OSBPL1A: variants seen among roughly 807,000 people sequenced by gnomAD.
OSBPL1A encodes oxysterol binding protein like 1A.
Under a neutral mutation model 137.1 loss-of-function variants are expected in OSBPL1A, and 80 were observed. The observed-to-expected ratio is 0.58, with a 90% CI of 0.49 to 0.70. OSBPL1A has a LOEUF of 0.70. Among genes scored for constraint, OSBPL1A ranks in the 30% least tolerant of loss-of-function variants. OSBPL1A has a pLI of 0.00. For missense variants in OSBPL1A, 970 were observed against 1,129.4 expected, an observed-to-expected ratio of 0.86 and a Z score of 2.02; for synonymous variants, 365 against 389.7, an observed-to-expected ratio of 0.94 and a Z score of 0.75.
chr18:24,281,593 G>A (rs528121332), intron 14 of OSBPL1A, among the ~76,000 whole-genome samples: 4 of 145,808 alleles, frequency 2.7e-5, no homozygotes, highest in South Asian at 2.2e-4. Flanking sequence ...GTTTCACAAC[G>A]TTGGCCAGGC....
At chr18:24,233,823 T>C (rs2088358563) in intron 16 of OSBPL1A, among the ~76,000 whole-genome samples, 1 of 152,282 alleles carries the variant, frequency 6.6e-6, no homozygotes, top group African/African-American at 2.4e-5. Flanking sequence ...TAAAGTCTTT[T>C]GTATTTTTAG....
At chr18:24,320,807 C>T (rs1255611043) in intron 7 of OSBPL1A, among the ~76,000 whole-genome samples, 1 of 151,980 alleles carries the variant, frequency 6.6e-6, no homozygotes, top group East Asian at 1.9e-4. Context: ...GTGGGCAGAT[C>T]ACCTTAGGTC....
intron 4 of OSBPL1A, among the ~76,000 whole-genome samples, chr18:24,361,739 G>A (rs763855268): frequency 4.6e-5 from 7 of 152,138 alleles, no homozygotes. Context: ...CAGACTGGGT[G>A]CAGTGGCTCC....
chr18:24,220,214 C>A (rs566511290), intron 17 of OSBPL1A, among the ~76,000 whole-genome samples: 1 of 152,350 alleles, frequency 6.6e-6, no homozygotes, highest in Admixed American at 6.5e-5. Context: ...CACAGTGGTG[C>A]CCTCGTCTGA....
At chr18:24,238,313 TACA>T (rs1357341729) in intron 16 of OSBPL1A, among the ~76,000 whole-genome samples, 2 of 151,860 alleles carry the variant, frequency 1.3e-5, no homozygotes, top group Non-Finnish European at 2.9e-5. Flanking sequence ...TTTTCTCCCA[TACA>T]ACAATTAATT....
chr18:24,316,098 C>CA (rs1205365353), intron 11 of OSBPL1A, among the ~76,000 whole-genome samples: 2 of 150,712 alleles, frequency 1.3e-5, no homozygotes, highest in Non-Finnish European at 2.9e-5. Flanking sequence ...CCGTCTTTAC[C>CA]AAAAAACACA....
At chr18:24,317,003 G>C (rs2090748624) in intron 11 of OSBPL1A, 146 bp downstream of exon 11, 1 of 707,170 alleles carries the variant, frequency 1.4e-6, no homozygotes, top group Admixed American at 3.3e-5. Context: ...GACTTTACTT[G>C]TTATCAAATT....
intron 14 of OSBPL1A, among the ~76,000 whole-genome samples, chr18:24,299,081 A>G (rs1272616432): frequency 2.0e-5 from 3 of 152,166 alleles, no homozygotes; most frequent in African/African-American, 7.2e-5. Context: ...TGCATGGAAT[A>G]TCTTTTTCCA....
At chr18:24,355,423 C>T (rs1482808202) in intron 4 of OSBPL1A, among the ~76,000 whole-genome samples, 6 of 151,556 alleles carry the variant, frequency 4.0e-5, no homozygotes, top group South Asian at 4.2e-4. Flanking sequence ...ATCATTTGAA[C>T]CCGGGAGGCG....
chr18:24,386,927 G>A (rs929046276), intron 1 of OSBPL1A, among the ~76,000 whole-genome samples: 10 of 151,930 alleles, frequency 6.6e-5, no homozygotes, highest in South Asian at 4.2e-4. Context: ...ATTGCACTCC[G>A]GCCTGTGTGA....
intron 1 of OSBPL1A, among the ~76,000 whole-genome samples, chr18:24,388,176 A>T (rs1015182200): frequency 6.6e-6 from 1 of 152,172 alleles, no homozygotes; most frequent in Non-Finnish European, 1.5e-5. Context: ...CCTCATGGCA[A>T]CCTGCCACAA....
intron 21 of OSBPL1A, among the ~76,000 whole-genome samples, chr18:24,175,230 G>C (rs2086416669): frequency 2.1e-5 from 3 of 145,604 alleles, no homozygotes; most frequent in African/African-American, 7.7e-5. Flanking sequence ...CTGTTGCCCA[G>C]GCTGGAATAC....
In OSBPL1A at chr18:24,250,174, G is replaced by GTTTTTTTTTTTTTTT. The variant is rs1233264916; in HGVS notation, c.1282-10793_1282-10792insAAAAAAAAAAAAAAA. Among the ~76,000 whole-genome samples, 3 of 75,352 alleles carry GTTTTTTTTTTTTTTT rather than the reference G, an allele frequency of 4.0e-5. 1 individual carries two copies. Among genetic ancestry groups the GTTTTTTTTTTTTTTT allele is most frequent in the Non-Finnish European group, 7.7e-5 (3 of 38,836 alleles). The allele number at this position is 75,352 out of a possible 152,430, so 49.4% of individuals were successfully genotyped here. On this transcript the variant is annotated intron_variant, in intron 15 of 27. Transcript: ENST00000319481. ...TGTGTTTTTGTTTGTTTGTTTGTTT[G>GTTTTTTTTTTTTTTT]TTTGTTTGTTTGTTTTTTTTGACAT...
intron 18 of OSBPL1A, among the ~76,000 whole-genome samples, chr18:24,188,327 C>T (rs2086803267): frequency 6.6e-6 from 1 of 152,236 alleles, no homozygotes; most frequent in Non-Finnish European, 1.5e-5. Context: ...CAGCTGTCCA[C>T]AGCCACGGGC....
intron 4 of OSBPL1A, among the ~76,000 whole-genome samples, chr18:24,365,534 A>G (rs2091691782): frequency 6.6e-6 from 1 of 151,920 alleles, no homozygotes; most frequent in Non-Finnish European, 1.5e-5. Context: ...CAGTGAATCA[A>G]TATCACACCA....
chr18:24,189,662 GCT>G (rs1567932192), intron 18 of OSBPL1A, among the ~76,000 whole-genome samples: 5 of 152,000 alleles, frequency 3.3e-5, no homozygotes, highest in South Asian at 2.1e-4. Context: ...AGTTCCCCCC[GCT>G]CCACACGATG....
At chr18:24,378,742 C>T (rs1448550779) in intron 1 of OSBPL1A, among the ~76,000 whole-genome samples, 1 of 152,182 alleles carries the variant, frequency 6.6e-6, no homozygotes, top group Admixed American at 6.5e-5. Flanking sequence ...TGTCTCCAGC[C>T]CTCTTGCCCT....
intron 7 of OSBPL1A, among the ~76,000 whole-genome samples, chr18:24,331,414 T>G (rs2091074901): frequency 6.7e-6 from 1 of 149,552 alleles, no homozygotes; most frequent in Non-Finnish European, 1.5e-5. Flanking sequence ...TTTTTTTTTT[T>G]GAGACAGAGT....
intron 24 of OSBPL1A, among the ~76,000 whole-genome samples, chr18:24,169,687 C>G (rs2145907459): frequency 6.6e-6 from 1 of 152,286 alleles, no homozygotes; most frequent in East Asian, 1.9e-4. Context: ...GGAATCCGTC[C>G]TCAAATATTT....
Sources: allele counts gnomAD v4.1 joint callset (sites outside exome capture counted in the v4.1 genomes callset), GRCh38; gene constraint gnomAD v4.1.1; transcripts MANE v1.5; gene names NCBI Gene and HGNC (gene_info 2026-07-23, HGNC 2026-07-21).